CSTF3: variants seen among roughly 807,000 people sequenced by gnomAD.
CSTF3 encodes the protein CF-1 77 kDa subunit.
Under a neutral mutation model 105.8 loss-of-function variants are expected in CSTF3, and 29 were observed. The ratio of observed to expected loss-of-function variants is 0.27; its 90% CI spans 0.20 to 0.37. CSTF3 has a LOEUF of 0.37. CSTF3 is among the 10% of genes least tolerant of loss of function. The probability of loss-of-function intolerance (pLI) is 1.00; values close to 1 mark genes in which losing one functional copy is unlikely to be tolerated. For missense variants in CSTF3, 357 were observed against 879.3 expected, an observed-to-expected ratio of 0.41 and a Z score of 7.51; for synonymous variants, 252 against 281.9, an observed-to-expected ratio of 0.89 and a Z score of 1.06.
At chr11:33,097,482 G>A (rs1855234872) in intron 13 of CSTF3, among the ~76,000 whole-genome samples, 1 of 152,014 alleles carries the variant, frequency 6.6e-6, no homozygotes, top group African/African-American at 2.4e-5. Context: ...CCATTCTCCT[G>A]CCTCAGGCTC....
At chr11:33,155,315 G>A (rs1291966408) in intron 1 of CSTF3, among the ~76,000 whole-genome samples, 1 of 150,982 alleles carries the variant, frequency 6.6e-6, no homozygotes, top group East Asian at 1.9e-4. Context: ...AGCGAGCCGT[G>A]ATTGCGCCAC....
chr11:33,155,774 G>A (rs1025731863), intron 1 of CSTF3, among the ~76,000 whole-genome samples: 3 of 151,810 alleles, frequency 2.0e-5, no homozygotes, highest in Admixed American at 2.0e-4. Flanking sequence ...AAAACAAAAA[G>A]ACTCAAATTC....
intron 8 of CSTF3, 141 bp from the exon 9 acceptor site, chr11:33,103,325 T>C: frequency 2.2e-6 from 1 of 445,688 alleles, no homozygotes; most frequent in Non-Finnish European, 3.9e-6. Flanking sequence ...ATACAGCTCA[T>C]GAAAAGCAGG....
chr11:33,135,858 C>T (rs1431411585), intron 3 of CSTF3, among the ~76,000 whole-genome samples: 1 of 152,004 alleles, frequency 6.6e-6, no homozygotes, highest in East Asian at 1.9e-4. Context: ...TGAAATGTTG[C>T]ATTTAAATAA....
intron 15 of CSTF3, among the ~76,000 whole-genome samples, chr11:33,094,896 T>TTTA (rs1363485994): frequency 6.6e-6 from 1 of 151,962 alleles, no homozygotes; most frequent in Non-Finnish European, 1.5e-5. Flanking sequence ...ATTTATTTAC[T>TTTA]TTATTATTAT....
At chr11:33,139,406 ATT>A (rs1855686578) in intron 3 of CSTF3, among the ~76,000 whole-genome samples, 1 of 152,008 alleles carries the variant, frequency 6.6e-6, no homozygotes, top group Non-Finnish European at 1.5e-5. Flanking sequence ...ACACTTAAGT[ATT>A]ACTTTCAATG....
At chr11:33,098,351 C>G (rs1855245888) in intron 13 of CSTF3, among the ~76,000 whole-genome samples, 1 of 152,146 alleles carries the variant, frequency 6.6e-6, no homozygotes, top group African/African-American at 2.4e-5. Flanking sequence ...TGACTTCAAA[C>G]CATGATCACA....
chr11:33,122,144 T>TTGGATAGCAAAGTGTGCATGTTGAAAAC (rs1855496043), intron 3 of CSTF3, among the ~76,000 whole-genome samples: 1 of 152,214 alleles, frequency 6.6e-6, no homozygotes, highest in Non-Finnish European at 1.5e-5. Context: ...AGATACATTG[T>TTGGATAGCAAAGTGTGCATGTTGAAAAC]TGGATAGCAA....
chr11:33,098,841 G>T, intron 12 of CSTF3, 77 bp from the exon 13 acceptor site: 3 of 1,266,602 alleles, frequency 2.4e-6, no homozygotes, highest in Non-Finnish European at 3.2e-6. Context: ...GAATCCAAAG[G>T]CTATAACCTC....
At chr11:33,094,473 G>A (rs1432264051) in intron 15 of CSTF3, among the ~76,000 whole-genome samples, 3 of 152,022 alleles carry the variant, frequency 2.0e-5, no homozygotes, top group Non-Finnish European at 4.4e-5. Flanking sequence ...TTTCATGGAT[G>A]GATAGATGGA....
At chr11:33,137,338 G>GT (rs1365700633) in intron 3 of CSTF3, among the ~76,000 whole-genome samples, 1 of 151,738 alleles carries the variant, frequency 6.6e-6, no homozygotes, top group Admixed American at 6.6e-5. Flanking sequence ...CATTATCTAA[G>GT]TGACTACATC....
chr11:33,111,026 C>T (rs1314425946), intron 3 of CSTF3, among the ~76,000 whole-genome samples: 1 of 152,002 alleles, frequency 6.6e-6, no homozygotes, highest in Non-Finnish European at 1.5e-5. Flanking sequence ...GTCAGGAGTT[C>T]GAGACCAGCC....
At chr11:33,159,352 T>C (rs1849906896) in intron 1 of CSTF3, among the ~76,000 whole-genome samples, 2 of 151,922 alleles carry the variant, frequency 1.3e-5, no homozygotes, top group Non-Finnish European at 2.9e-5. Flanking sequence ...ATCCAGCACT[T>C]TGGAAGGCAG....
At chr11:33,114,954 G>C (rs772147458) in intron 3 of CSTF3, among the ~76,000 whole-genome samples, 1 of 152,160 alleles carries the variant, frequency 6.6e-6, no homozygotes, top group Non-Finnish European at 1.5e-5. Context: ...ACTTTGTGTA[G>C]GTTTTCACAC....
rs1590258639 is a variant in CSTF3, at chr11:33,084,922, C to G, written c.*165G>C. ...TAGGTCTGTTCCGTATTCTAAAATTCACACAGGTTGGTTTGTTTTTTCTCA... is the reference window on the plus strand; with the variant it reads ...TAGGTCTGTTCCGTATTCTAAAATTGACACAGGTTGGTTTGTTTTTTCTCA... On this transcript the variant is annotated 3_prime_UTR_variant, in exon 21 of 21. Transcript: ENST00000323959. 1 of 747,132 alleles carries G rather than the reference C, an allele frequency of 1.3e-6. No homozygotes were observed. The highest frequency in any genetic ancestry group is 2.7e-5 in the East Asian group (1 of 37,366). The allele number at this position is 747,132 out of a possible 1,614,324, so 46.3% of individuals were successfully genotyped here.
At chr11:33,088,861 G>A (rs186380454) in intron 17 of CSTF3, among the ~76,000 whole-genome samples, 20 of 151,880 alleles carry the variant, frequency 1.3e-4, no homozygotes, top group Admixed American at 8.5e-4. Context: ...TCAAGTGATC[G>A]CCTGCCTCAG....
chr11:33,142,498 C>T (rs1380082868), intron 1 of CSTF3, among the ~76,000 whole-genome samples: 1 of 152,108 alleles, frequency 6.6e-6, no homozygotes, highest in African/African-American at 2.4e-5. Context: ...TCAGAAGTAA[C>T]TTGCATAAAG....
chr11:33,129,742 G>A (rs1245948229), intron 3 of CSTF3, among the ~76,000 whole-genome samples: 3 of 152,186 alleles, frequency 2.0e-5, no homozygotes, highest in Admixed American at 6.5e-5. Flanking sequence ...ACTGCAGCTT[G>A]TAAACTTTTC....
intron 16 of CSTF3, 137 bp from the exon 17 acceptor site, chr11:33,090,864 C>A: frequency 1.9e-6 from 1 of 520,072 alleles, no homozygotes; most frequent in Non-Finnish European, 3.3e-6. Context: ...GATTTTTAGA[C>A]TATAGAAAAA....
Sources: gnomAD v4.1 joint callset for allele counts (sites outside exome capture counted in the v4.1 genomes callset) on GRCh38, gnomAD v4.1.1 for gene constraint, MANE v1.5 for transcripts, NCBI Gene and HGNC (gene_info 2026-07-23, HGNC 2026-07-21) for gene names.